Variants in AK5 observed in about 807,000 individuals in gnomAD.
AK5 encodes adenylate kinase 5, also known as adenylate kinase isoenzyme 5.
Under a neutral mutation model 69.5 loss-of-function variants are expected in AK5, and 27 were observed. The ratio of observed to expected loss-of-function variants is 0.39; its 90% CI spans 0.29 to 0.54. The LOEUF (loss-of-function observed/expected upper bound fraction) is 0.54, where lower values mean the gene tolerates loss of function less well. Ranked by LOEUF, AK5 falls within the 20% of genes least tolerant of loss-of-function variation. The pLI is 0.71. For missense variants in AK5, 531 were observed against 700.4 expected, an observed-to-expected ratio of 0.76 and a Z score of 2.73; for synonymous variants, 260 against 244.4, an observed-to-expected ratio of 1.06 and a Z score of -0.60.
At chr1:77,350,771 G>A (rs1449675426) in intron 6 of AK5, among the ~76,000 whole-genome samples, 2 of 152,174 alleles carry the variant, frequency 1.3e-5, no homozygotes, top group Non-Finnish European at 2.9e-5. Flanking sequence ...TTTGGATAGT[G>A]TTCATGGCAA....
At chr1:77,467,784 G>A (rs1654230845) in intron 8 of AK5, among the ~76,000 whole-genome samples, 1 of 152,176 alleles carries the variant, frequency 6.6e-6, no homozygotes, top group Admixed American at 6.5e-5. Context: ...GAGGAGAGGA[G>A]GCTGCTCTGA....
chr1:77,511,542 A>G (rs1657347667), intron 10 of AK5, among the ~76,000 whole-genome samples: 1 of 152,240 alleles, frequency 6.6e-6, no homozygotes, highest in Non-Finnish European at 1.5e-5. Flanking sequence ...GTTGAAGGAC[A>G]GTGGGAAATA....
At chr1:77,410,959 T>C in intron 6 of AK5, 22 bp from the exon 7 acceptor site, 1 of 1,604,432 alleles carries the variant, frequency 6.2e-7, no homozygotes, top group South Asian at 1.1e-5. Context: ...ATTCCAAACT[T>C]GTCTGTCCTG....
chr1:77,526,568 C>T (rs993022227), intron 12 of AK5, among the ~76,000 whole-genome samples: 35 of 150,348 alleles, frequency 2.3e-4, no homozygotes, highest in Admixed American at 5.3e-4. Context: ...CTCTGCCTCC[C>T]GGGTTCACGC....
intron 5 of AK5, among the ~76,000 whole-genome samples, chr1:77,311,546 C>G (rs957184076): frequency 2.6e-5 from 4 of 152,040 alleles, no homozygotes; most frequent in Non-Finnish European, 4.4e-5. Flanking sequence ...AGTTCTAGTA[C>G]AGTTTGTGGC....
chr1:77,470,223 G>C (rs1378089493), intron 8 of AK5, among the ~76,000 whole-genome samples: 1 of 152,138 alleles, frequency 6.6e-6, no homozygotes, highest in East Asian at 1.9e-4. Context: ...ATGCATCCCT[G>C]GCCGGGCGCA....
At chr1:77,539,241 A>G (rs1422614607) in intron 13 of AK5, among the ~76,000 whole-genome samples, 1 of 152,214 alleles carries the variant, frequency 6.6e-6, no homozygotes, top group Non-Finnish European at 1.5e-5. Context: ...GTCCAAACCA[A>G]TGGCCTCCTA....
intron 6 of AK5, among the ~76,000 whole-genome samples, chr1:77,368,478 G>A (rs1374227602): frequency 6.6e-6 from 1 of 150,908 alleles, no homozygotes; most frequent in Non-Finnish European, 1.5e-5. Flanking sequence ...AAGCAAAGAT[G>A]TCACTATCTC....
At chr1:77,404,464 G>A (rs17100524) in intron 6 of AK5, among the ~76,000 whole-genome samples, 17,938 of 152,006 alleles carry the variant, frequency 0.12, 1,030 homozygotes, top group Middle Eastern at 0.2. Flanking sequence ...TGATCTAGAA[G>A]CCAGTTCTCC....
At chr1:77,287,998 A>G (rs1344478869) in intron 2 of AK5, among the ~76,000 whole-genome samples, 1 of 152,212 alleles carries the variant, frequency 6.6e-6, no homozygotes, top group Non-Finnish European at 1.5e-5. Context: ...AGTCCTTCTC[A>G]GGCCATATTT....
intron 8 of AK5, among the ~76,000 whole-genome samples, chr1:77,437,408 A>G (rs759820739): frequency 2.0e-5 from 3 of 152,130 alleles, no homozygotes; most frequent in African/African-American, 4.8e-5. Context: ...AAACATAGTA[A>G]TTTAAACTTA....
At chr1:77,303,499 T>C (rs1421303410) in intron 5 of AK5, among the ~76,000 whole-genome samples, 1 of 152,248 alleles carries the variant, frequency 6.6e-6, no homozygotes, top group Non-Finnish European at 1.5e-5. Flanking sequence ...TTTGCAAATC[T>C]CTTTAACTTC....
At chr1:77,416,895 T>C (rs1197420991) in intron 7 of AK5, among the ~76,000 whole-genome samples, 1 of 152,164 alleles carries the variant, frequency 6.6e-6, no homozygotes, top group Non-Finnish European at 1.5e-5. Context: ...TTAGATGATA[T>C]ATATTTCCTA....
At chr1:77,499,328 G>C (rs371304569) in intron 10 of AK5, among the ~76,000 whole-genome samples, 12 of 152,262 alleles carry the variant, frequency 7.9e-5, no homozygotes, top group African/African-American at 2.9e-4. Flanking sequence ...TTGCTTTACT[G>C]TGACATGTTA....
At chr1:77,297,534 C>A in intron 3 of AK5, 25 bp from the exon 4 acceptor site, 1 of 1,565,940 alleles carries the variant, frequency 6.4e-7, no homozygotes, top group African/African-American at 1.4e-5. Flanking sequence ...CAGAAGATCA[C>A]AGTTTTGCCT....
chr1:77,472,962 T>C lies in AK5; in HGVS notation c.1060-10355T>C, dbSNP rs1489551990. ...CTTGACTCTTTCTTAGAAGGACCCT[T>C]GTGATTGCGTTGAGCCCGCCCAGAT... On this transcript the variant is annotated intron_variant, in intron 8 of 13. Coordinates refer to ENST00000354567, the MANE Select transcript of AK5 (RefSeq NM_174858.3). 2.0e-5 allele frequency among the ~76,000 whole-genome samples: 3 copies of C among 150,000 alleles called. No individual in the cohort carries two copies. The East Asian group carries it at 5.8e-4, about 29-fold the overall frequency.
intron 6 of AK5, among the ~76,000 whole-genome samples, chr1:77,402,342 C>T (rs901966899): frequency 2.0e-5 from 3 of 151,918 alleles, no homozygotes; most frequent in Non-Finnish European, 4.4e-5. Flanking sequence ...ATGTGCACAA[C>T]GTGCAGGTTT....
intron 6 of AK5, among the ~76,000 whole-genome samples, chr1:77,402,027 CTAGACAT>C (rs1392499296): frequency 6.6e-6 from 1 of 152,084 alleles, no homozygotes; most frequent in Non-Finnish European, 1.5e-5. Flanking sequence ...CTTAAGATTC[CTAGACAT>C]TAAATAACAA....
intron 10 of AK5, among the ~76,000 whole-genome samples, chr1:77,489,397 C>T (rs1655834704): frequency 6.6e-6 from 1 of 152,208 alleles, no homozygotes; most frequent in Admixed American, 6.5e-5. Context: ...AAAACGACTG[C>T]TCTTCTTCTA....
Sources: gnomAD v4.1 joint callset for allele counts (sites outside exome capture counted in the v4.1 genomes callset) on GRCh38, gnomAD v4.1.1 for gene constraint, MANE v1.5 for transcripts, NCBI Gene and HGNC (gene_info 2026-07-23, HGNC 2026-07-21) for gene names.